Variants in TTC27 observed in about 807,000 individuals in gnomAD.
TTC27 encodes the protein tetratricopeptide repeat domain 27.
In TTC27, 79 loss-of-function variants were observed where a neutral mutation model predicts 115.9. That is an observed-to-expected ratio of 0.68 (90% CI 0.57 to 0.82). TTC27 has a LOEUF of 0.82. Among genes scored for constraint, TTC27 ranks in the 40% least tolerant of loss-of-function variants. The pLI is 0.00. For synonymous variants in TTC27, 401 were observed against 356.0 expected, an observed-to-expected ratio of 1.13 and a Z score of -1.42; for missense variants, 1,054 against 993.1, an observed-to-expected ratio of 1.06 and a Z score of -0.82.
chr2:32,815,999 G>A (rs968376444), intron 18 of TTC27, among the ~76,000 whole-genome samples: 1 of 152,110 alleles, frequency 6.6e-6, no homozygotes, highest in East Asian at 1.9e-4. Context: ...AGCCTCTACC[G>A]ATTGATTAGT....
chr2:32,787,981 A>T (rs1173544842), intron 16 of TTC27, among the ~76,000 whole-genome samples: 1 of 152,102 alleles, frequency 6.6e-6, no homozygotes, highest in Non-Finnish European at 1.5e-5. Flanking sequence ...TTCCATTGAG[A>T]TAGTTCTTCC....
intron 16 of TTC27, among the ~76,000 whole-genome samples, chr2:32,791,381 G>A (rs1572617550): frequency 1.3e-5 from 2 of 152,290 alleles, no homozygotes; most frequent in African/African-American, 4.8e-5. Context: ...ATGTGGAAGA[G>A]GAAGGAAAGG....
At chr2:32,719,301 G>A (rs1667848196) in intron 10 of TTC27, among the ~76,000 whole-genome samples, 1 of 152,196 alleles carries the variant, frequency 6.6e-6, no homozygotes, top group Non-Finnish European at 1.5e-5. Flanking sequence ...CAGTGATTAG[G>A]AGAGGCACCT....
chr2:32,721,493 C>G (rs950114910), intron 10 of TTC27, among the ~76,000 whole-genome samples: 2 of 152,132 alleles, frequency 1.3e-5, no homozygotes, highest in East Asian at 1.9e-4. Flanking sequence ...GTTGTTGTCA[C>G]AGTAGCACCA....
intron 9 of TTC27, among the ~76,000 whole-genome samples, chr2:32,700,660 C>T (rs1019522406): frequency 6.6e-6 from 1 of 152,170 alleles, no homozygotes; most frequent in African/African-American, 2.4e-5. Flanking sequence ...GCCTCAGCCT[C>T]CTGAGTAGCT....
intron 16 of TTC27, among the ~76,000 whole-genome samples, chr2:32,809,149 C>T (rs3769566): frequency 0.21 from 32,293 of 152,062 alleles, 3,564 homozygotes; most frequent in African/African-American, 0.26. Flanking sequence ...TAAAAGTATC[C>T]ATGTTCCAGA....
At chr2:32,810,403 T>C (rs1297272894) in intron 16 of TTC27, among the ~76,000 whole-genome samples, 1 of 152,096 alleles carries the variant, frequency 6.6e-6, no homozygotes, top group East Asian at 1.9e-4. Context: ...ATTGGGAAGG[T>C]TGAAAATCAA....
chr2:32,642,241 C>T (rs1428868913), intron 4 of TTC27, among the ~76,000 whole-genome samples: 4 of 142,314 alleles, frequency 2.8e-5, no homozygotes, highest in African/African-American at 1.0e-4. Flanking sequence ...TAAGTTTATA[C>T]ACTAAATTTT....
At chr2:32,631,688 C>T (rs569921203) in intron 2 of TTC27, among the ~76,000 whole-genome samples, 39 of 152,216 alleles carry the variant, frequency 2.6e-4, no homozygotes, top group Admixed American at 9.8e-4. Context: ...AACAAATAAA[C>T]TATTGTAGTA....
chr2:32,655,270 G>A (rs1231951938), intron 5 of TTC27, among the ~76,000 whole-genome samples: 1 of 151,946 alleles, frequency 6.6e-6, no homozygotes. Context: ...TATTACAGGA[G>A]TGAGCCACTG....
chr2:32,709,984 T>TCACA (rs1667519660), intron 10 of TTC27, among the ~76,000 whole-genome samples: 1 of 152,110 alleles, frequency 6.6e-6, no homozygotes, highest in Non-Finnish European at 1.5e-5. Flanking sequence ...AGTTTAAGTG[T>TCACA]CTGTTGTTGT....
chr2:32,654,951 C>G (rs558613437), intron 5 of TTC27, among the ~76,000 whole-genome samples: 3 of 151,486 alleles, frequency 2.0e-5, no homozygotes. Flanking sequence ...CCTCCTCAGC[C>G]CCCCAAAGTG....
chr2:32,762,116 A>G (rs1306173840), intron 13 of TTC27, among the ~76,000 whole-genome samples: 1 of 152,222 alleles, frequency 6.6e-6, no homozygotes, highest in Non-Finnish European at 1.5e-5. Flanking sequence ...AGTTATATAG[A>G]GGCCAAAGAG....
At chr2:32,775,473 C>T (rs1416583065) in intron 13 of TTC27, among the ~76,000 whole-genome samples, 1 of 152,174 alleles carries the variant, frequency 6.6e-6, no homozygotes, top group Non-Finnish European at 1.5e-5. Context: ...GCTGGGATTA[C>T]AGGTGTGAGC....
intron 18 of TTC27, among the ~76,000 whole-genome samples, chr2:32,815,223 A>ATGTTTT (rs1671459164): frequency 3.6e-5 from 2 of 55,498 alleles, no homozygotes; most frequent in African/African-American, 9.3e-5. Context: ...GCTGCTTCAG[A>ATGTTTT]TTTTTTTTTT....
rs1667949295 is a variant in TTC27, at chr2:32,722,022, A to G, written c.1234-11806A>G. Among the ~76,000 whole-genome samples the G allele has an allele frequency of 1.3e-5, 2 of 152,186 alleles. 1 individual carries two copies. Among genetic ancestry groups the G allele is most frequent in the South Asian group, 4.1e-4 (2 of 4,828 alleles). ...TGGAATAGTGCTTGGTACATAGTCA[A>G]TCTTCAATAAACGTTGACTCTTATT... On this transcript the variant is annotated intron_variant, in intron 10 of 19. Coordinates refer to ENST00000317907, the MANE Select transcript of TTC27 (RefSeq NM_017735.5).
At chr2:32,712,382 T>C (rs1212981290) in intron 10 of TTC27, among the ~76,000 whole-genome samples, 1 of 152,116 alleles carries the variant, frequency 6.6e-6, no homozygotes, top group East Asian at 1.9e-4. Flanking sequence ...ATGAAGAAAA[T>C]AATGTTTATG....
intron 8 of TTC27, 83 bp downstream of exon 8, chr2:32,672,467 T>C (rs1666047657): frequency 1.9e-6 from 2 of 1,065,538 alleles, no homozygotes; most frequent in South Asian, 1.4e-5. Context: ...TCAAGGAGGT[T>C]CCAAGAGTTC....
In TTC27 at chr2:32,716,963, G is replaced by C. The variant is rs1019743897; in HGVS notation, c.1233+14043G>C. 2.0e-5 allele frequency among the ~76,000 whole-genome samples: 3 copies of C among 150,578 alleles called. 1 individual carries two copies. The highest frequency in any genetic ancestry group is 4.4e-5 in the Non-Finnish European group (3 of 67,774). ...CCAGCCTTAACCTCCCAAAGTTTTG[G>C]GATTACAAGTGTGAGCCACTACACC... On this transcript the variant is annotated intron_variant, in intron 10 of 19. Coordinates refer to ENST00000317907, the MANE Select transcript of TTC27 (RefSeq NM_017735.5).
Sources: gnomAD v4.1 joint callset for allele counts (sites outside exome capture counted in the v4.1 genomes callset) on GRCh38, gnomAD v4.1.1 for gene constraint, MANE v1.5 for transcripts, NCBI Gene and HGNC (gene_info 2026-07-23, HGNC 2026-07-21) for gene names.